Variants in MAP4K4 observed in about 807,000 individuals in gnomAD.
MAP4K4 encodes the protein mitogen-activated protein kinase kinase kinase kinase 4.
Under a neutral mutation model 189.6 loss-of-function variants are expected in MAP4K4, and 38 were observed. That is an observed-to-expected ratio of 0.20 (90% CI 0.15 to 0.26). MAP4K4 has a LOEUF of 0.26. Among genes scored for constraint, MAP4K4 ranks in the 10% least tolerant of loss-of-function variants. The probability of loss-of-function intolerance (pLI) is 1.00; values close to 1 mark genes in which losing one functional copy is unlikely to be tolerated. For synonymous variants in MAP4K4, 610 were observed against 624.3 expected (o/e 0.98, Z 0.34); for missense variants, 1,054 against 1,726.9 (o/e 0.61, Z 6.91).
chr2:101,783,178 C>G (rs2088648067), intron 2 of MAP4K4, among the ~76,000 whole-genome samples: 1 of 150,078 alleles, frequency 6.7e-6, no homozygotes, highest in Admixed American at 6.6e-5. Context: ...TTCTAGCTCT[C>G]TGGGATTTCT....
intron 3 of MAP4K4, among the ~76,000 whole-genome samples, chr2:101,819,014 G>T (rs2095877822): frequency 6.6e-6 from 1 of 152,158 alleles, no homozygotes. Context: ...CTAAAGAAGG[G>T]CATGGAGGAC....
intron 26 of MAP4K4, among the ~76,000 whole-genome samples, chr2:101,875,903 C>T (rs1002705459): frequency 1.3e-5 from 2 of 152,172 alleles, no homozygotes; most frequent in African/African-American, 4.8e-5. Flanking sequence ...TGAAGATAGT[C>T]ATGACGTGAG....
chr2:101,842,634 G>T, exon 11 of MAP4K4: 1 of 1,607,472 alleles, frequency 6.2e-7, no homozygotes, highest in South Asian at 1.1e-5. Flanking sequence ...AGTACAGTGG[G>T]AGTGAGGAAG....
chr2:101,715,288 A>C (rs994527188), intron 2 of MAP4K4, among the ~76,000 whole-genome samples: 1 of 152,166 alleles, frequency 6.6e-6, no homozygotes, highest in Non-Finnish European at 1.5e-5. Context: ...CCTTATTTTA[A>C]TTCAGTCACT....
chr2:101,880,653 C>T lies in MAP4K4; in HGVS notation c.3386-1898C>T, dbSNP rs569348079. On this transcript the variant is annotated intron_variant, in intron 27 of 32. Coordinates refer to ENST00000324219, the Ensembl canonical transcript of MAP4K4. ...CCTCCCGAGTAGCTGGGATTATAGG[C>T]ATGTGCCACCATGCCTGGCTGATTT... 1.1e-4 allele frequency among the ~76,000 whole-genome samples: 16 copies of T among 152,114 alleles called. 1 individual carries two copies. The highest frequency in any genetic ancestry group is 6.2e-4 in the South Asian group (3 of 4,822).
intron 2 of MAP4K4, among the ~76,000 whole-genome samples, chr2:101,705,521 C>A (rs896994015): frequency 6.6e-6 from 1 of 152,132 alleles, no homozygotes; most frequent in African/African-American, 2.4e-5. Context: ...ACAGTAAAAA[C>A]AAATGAAAAG....
At chr2:101,795,211 C>T (rs2093561965) in intron 3 of MAP4K4, among the ~76,000 whole-genome samples, 1 of 152,162 alleles carries the variant, frequency 6.6e-6, no homozygotes, top group Non-Finnish European at 1.5e-5. Flanking sequence ...CAGGGTGATA[C>T]TTTGGCACTG....
chr2:101,870,577 T>G (rs961659646), intron 23 of MAP4K4, 162 bp downstream of exon 23: 1 of 863,402 alleles, frequency 1.2e-6, no homozygotes, highest in African/African-American at 1.7e-5. Flanking sequence ...GAGGCAGGTG[T>G]GTACTGCATG....
intron 2 of MAP4K4, among the ~76,000 whole-genome samples, chr2:101,708,879 T>G (rs1039274925): frequency 6.6e-6 from 1 of 152,174 alleles, no homozygotes; most frequent in Non-Finnish European, 1.5e-5. Flanking sequence ...TCGCCTGTGT[T>G]TAATGTTTTT....
intron 18 of MAP4K4, among the ~76,000 whole-genome samples, chr2:101,865,721 A>G (rs1267355480): frequency 1.3e-5 from 2 of 152,212 alleles, no homozygotes; most frequent in Non-Finnish European, 2.9e-5. Context: ...AAAGATGATT[A>G]TGTTGAATGT....
In MAP4K4 at chr2:101,870,561, G is replaced by T. The variant is rs1016962698; in HGVS notation, c.2760+146G>T. 4.4e-5 allele frequency: 49 copies of T among 1,116,376 alleles called. No homozygotes were observed. In the Admixed American group the frequency reaches 1.2e-3, roughly 26 times the overall value. The allele number at this position is 1,116,376 out of a possible 1,614,324, so 69.2% of individuals were successfully genotyped here. On this transcript the variant is annotated intron_variant, in intron 23 of 32. Transcript: ENST00000324219. Reference sequence around the variant, plus strand: ...GAGGGTCAAGTGTCGAGTGTCGGGGGCTAGGGAGGCAGGTGTGTACTGCAT... The same window carrying T: ...GAGGGTCAAGTGTCGAGTGTCGGGGTCTAGGGAGGCAGGTGTGTACTGCAT...
At chr2:101,838,606 A>G (rs1195346223) in intron 9 of MAP4K4, among the ~76,000 whole-genome samples, 2 of 152,190 alleles carry the variant, frequency 1.3e-5, no homozygotes, top group Non-Finnish European at 2.9e-5. Flanking sequence ...CTACTGTAAC[A>G]GGTTTTTTCT....
At position 101,733,153 on chromosome 2, in the gene MAP4K4, G is replaced by C. The variant is rs552317312; in HGVS notation, c.123+34615G>C. Among the ~76,000 whole-genome samples the C allele has an allele frequency of 9.8e-5, 15 of 152,322 alleles. No individual in the cohort carries two copies. The East Asian group carries it at 2.1e-3, about 22-fold the overall frequency. On this transcript the variant is annotated intron_variant, in intron 2 of 32. Transcript: ENST00000324219. ...ACAGGCTTCCAGATTGCTCTGCCCTGGCCTGGGGTCTCTGTCTGAAGTAGA... is the reference window on the plus strand; with the variant it reads ...ACAGGCTTCCAGATTGCTCTGCCCTCGCCTGGGGTCTCTGTCTGAAGTAGA...
At chr2:101,883,571 A>G (rs796686255) in intron 28 of MAP4K4, among the ~76,000 whole-genome samples, 2 of 152,218 alleles carry the variant, frequency 1.3e-5, no homozygotes, top group South Asian at 4.1e-4. Flanking sequence ...GGGAGAAATA[A>G]TGGACCTTAG....
chr2:101,840,671 A>T (rs2096890348), intron 10 of MAP4K4, among the ~76,000 whole-genome samples: 1 of 152,162 alleles, frequency 6.6e-6, no homozygotes, highest in African/African-American at 2.4e-5. Context: ...GCTCACATTG[A>T]TCCTTCTCTT....
At chr2:101,737,453 ATATATATATTTTTTTTTTTTT>A (rs1431092378) in intron 2 of MAP4K4, among the ~76,000 whole-genome samples, 1 of 39,584 alleles carries the variant, frequency 2.5e-5, no homozygotes, top group African/African-American at 1.5e-4. Flanking sequence ...ATATATATAT[ATATATATATTTTTTTTTTTTT>A]TTTTTTTTTT....
chr2:101,715,844 A>G (rs1351895153), intron 2 of MAP4K4, among the ~76,000 whole-genome samples: 1 of 152,166 alleles, frequency 6.6e-6, no homozygotes, highest in Non-Finnish European at 1.5e-5. Flanking sequence ...TTGAAGCTTT[A>G]TCTGTATTTA....
chr2:101,813,898 T>C lies in MAP4K4; in HGVS notation c.181-10030T>C, dbSNP rs564319100. On this transcript the variant is annotated intron_variant, in intron 3 of 32. Coordinates refer to ENST00000324219, the Ensembl canonical transcript of MAP4K4. The stretch of plus-strand genomic sequence containing the variant: ...TTGGTCAAGTGTAGTAGTTTTTCCA[T>C]TGGGACTTTGAAGCTTTTGATTTTG... 2.6e-4 allele frequency among the ~76,000 whole-genome samples: 40 copies of C among 152,324 alleles called. 1 individual carries two copies. The highest frequency in any genetic ancestry group is 9.6e-4 in the African/African-American group (40 of 41,568).
At chr2:101,710,733 G>A (rs2044987740) in intron 2 of MAP4K4, among the ~76,000 whole-genome samples, 1 of 152,164 alleles carries the variant, frequency 6.6e-6, no homozygotes, top group Non-Finnish European at 1.5e-5. Flanking sequence ...GCACAGTGAA[G>A]CTTTATGATT....
Sources: gnomAD v4.1 joint callset for allele counts (sites outside exome capture counted in the v4.1 genomes callset) on GRCh38, gnomAD v4.1.1 for gene constraint, MANE v1.5 for transcripts, NCBI Gene and HGNC (gene_info 2026-07-23, HGNC 2026-07-21) for gene names.